ASTN2: variants seen among roughly 807,000 people sequenced by gnomAD.
ASTN2 encodes astrotactin 2, also known as astrotactin-2.
ASTN2 carries 54 observed loss-of-function variants against 139.8 expected under a neutral mutation model. The observed-to-expected ratio is 0.39, with a 90% CI of 0.31 to 0.48. The LOEUF (loss-of-function observed/expected upper bound fraction) is 0.48. ASTN2 is among the 20% of genes least tolerant of loss of function. The pLI is 0.95. For synonymous variants in ASTN2, 756 were observed against 719.5 expected (o/e 1.05, Z -0.81); for missense variants, 1,565 against 1,725.1 (o/e 0.91, Z 1.64).
intron 10 of ASTN2, among the ~76,000 whole-genome samples, chr9:116,875,146 A>G (rs903844473): frequency 2.0e-5 from 3 of 152,320 alleles, no homozygotes; most frequent in Admixed American, 2.0e-4. Context: ...GTATGTGGAA[A>G]GCCAAGACTG....
intron 3 of ASTN2, among the ~76,000 whole-genome samples, chr9:117,179,399 T>C (rs1218003557): frequency 6.6e-6 from 1 of 152,170 alleles, no homozygotes; most frequent in Non-Finnish European, 1.5e-5. Flanking sequence ...CATCTTGAGA[T>C]AAGTAACCCA....
intron 6 of ASTN2, among the ~76,000 whole-genome samples, chr9:117,030,831 A>G (rs1158052972): frequency 6.6e-6 from 1 of 152,130 alleles, no homozygotes; most frequent in East Asian, 1.9e-4. Context: ...TTGGCCATTA[A>G]GTACAAGAAA....
intron 10 of ASTN2, among the ~76,000 whole-genome samples, chr9:116,947,639 G>A (rs1835434277): frequency 6.6e-6 from 1 of 152,176 alleles, no homozygotes; most frequent in South Asian, 2.1e-4. Flanking sequence ...TTTGGATTCA[G>A]GCAGTATTTT....
At chr9:116,916,619 G>T (rs764891367) in intron 10 of ASTN2, among the ~76,000 whole-genome samples, 2 of 152,206 alleles carry the variant, frequency 1.3e-5, no homozygotes, top group South Asian at 2.1e-4. Context: ...GGCCAAGGTG[G>T]GCAGATTGCT....
chr9:117,040,542 T>G (rs1838532552), intron 5 of ASTN2, among the ~76,000 whole-genome samples: 1 of 152,194 alleles, frequency 6.6e-6, no homozygotes, highest in Admixed American at 6.5e-5. Flanking sequence ...CACTGTAACC[T>G]CCGCCACACG....
chr9:117,193,409 G>A (rs937067665), intron 3 of ASTN2, among the ~76,000 whole-genome samples: 5 of 152,064 alleles, frequency 3.3e-5, no homozygotes, highest in Middle Eastern at 3.2e-3. Context: ...GGAGGCTGAG[G>A]TGGTTGGATC....
chr9:117,323,178 T>C (rs1285038141), intron 1 of ASTN2, among the ~76,000 whole-genome samples: 1 of 152,108 alleles, frequency 6.6e-6, no homozygotes, highest in East Asian at 1.9e-4. Context: ...CACACACATA[T>C]ACATATACAC....
Position 116,967,040 on chromosome 9 carries a change from C to G in ASTN2, c.1889+8168G>C, listed in dbSNP as rs62562605. 1.1e-4 allele frequency among the ~76,000 whole-genome samples: 16 copies of G among 152,268 alleles called. 1 individual carries two copies. The highest frequency in any genetic ancestry group is 3.9e-4 in the African/African-American group (16 of 41,542). On this transcript the variant is annotated intron_variant, in intron 10 of 22. Transcript: ENST00000313400. ...GCATGAATGACTTAACATCTTTGTG[C>G]CTCAGTTTCCTCATCTGTAAATAAC... is the stretch of plus-strand genomic sequence containing the variant.
intron 2 of ASTN2, among the ~76,000 whole-genome samples, chr9:117,219,009 T>C (rs1243167515): frequency 1.3e-5 from 2 of 152,178 alleles, no homozygotes; most frequent in African/African-American, 4.8e-5. Context: ...GTACCCCCTA[T>C]AGGCTGCTGT....
intron 13 of ASTN2, among the ~76,000 whole-genome samples, chr9:116,800,213 C>G (rs1272442111): frequency 1.3e-5 from 2 of 152,180 alleles, no homozygotes; most frequent in Non-Finnish European, 2.9e-5. Context: ...CTCCTTAACT[C>G]TGTTCACTGC....
intron 10 of ASTN2, among the ~76,000 whole-genome samples, chr9:116,948,785 GTTTTTTTT>G (rs58832163): frequency 2.0e-5 from 1 of 49,472 alleles, no homozygotes; most frequent in African/African-American, 8.6e-5. Context: ...ATAATTTGGT[GTTTTTTTT>G]TTTTTTTTTT....
intron 19 of ASTN2, among the ~76,000 whole-genome samples, chr9:116,523,218 A>G (rs1295469508): frequency 6.6e-6 from 1 of 151,068 alleles, no homozygotes; most frequent in Non-Finnish European, 1.5e-5. Context: ...TTTTTTTTTA[A>G]CGACAGTTAT....
chr9:116,699,948 A>C lies in ASTN2; in HGVS notation c.2806+25823T>G. 4 of 603,172 alleles carry C rather than the reference A, an allele frequency of 6.6e-6. No homozygotes were observed. The highest frequency in any genetic ancestry group is 1.2e-5 in the Non-Finnish European group (4 of 338,574). 37.4% of individuals were successfully genotyped at this position (603,172 alleles called of 1,614,324 possible). On this transcript the variant is annotated intron_variant, in intron 16 of 22. Coordinates refer to ENST00000313400, the MANE Select transcript of ASTN2 (RefSeq NM_001365068.1). This position sits in a 1 kb window ranked among gnomAD's most constrained non-coding sequence, Gnocchi z 4.2. ...ATAGGACACACGATGGTGTTAGCTGAAGTTTGATTAGCAATTAGGCACTTC... is the reference window on the plus strand; with the variant it reads ...ATAGGACACACGATGGTGTTAGCTGCAGTTTGATTAGCAATTAGGCACTTC...
intron 4 of ASTN2, among the ~76,000 whole-genome samples, chr9:117,102,349 G>A (rs772939695): frequency 1.3e-5 from 2 of 152,284 alleles, no homozygotes; most frequent in South Asian, 2.1e-4. Context: ...AGAGATGGAA[G>A]TAGACTAGTG....
chr9:117,206,021 A>T (rs143521382), intron 3 of ASTN2, among the ~76,000 whole-genome samples: 304 of 152,380 alleles, frequency 2.0e-3, no homozygotes, highest in Admixed American at 5.7e-3. Flanking sequence ...AAGAGGTATT[A>T]GTCATCAAAA....
At chr9:116,704,267 G>C (rs1161890723) in intron 16 of ASTN2, among the ~76,000 whole-genome samples, 1 of 152,142 alleles carries the variant, frequency 6.6e-6, no homozygotes, top group African/African-American at 2.4e-5. Flanking sequence ...TGGAATTGTT[G>C]AGTTCCCCCC....
intron 10 of ASTN2, among the ~76,000 whole-genome samples, chr9:116,943,585 G>T (rs1369677738): frequency 6.6e-6 from 1 of 152,096 alleles, no homozygotes; most frequent in Non-Finnish European, 1.5e-5. Context: ...TTAAAATAAG[G>T]CAGATTCATG....
At chr9:116,429,700 A>C (rs1847435359) in intron 22 of ASTN2, among the ~76,000 whole-genome samples, 1 of 152,142 alleles carries the variant, frequency 6.6e-6, no homozygotes, top group African/African-American at 2.4e-5. Context: ...GACAGATATG[A>C]ACTAGTTTAA....
intron 4 of ASTN2, among the ~76,000 whole-genome samples, chr9:117,135,703 G>A (rs1829934255): frequency 6.6e-6 from 1 of 152,178 alleles, no homozygotes; most frequent in Non-Finnish European, 1.5e-5. Flanking sequence ...GAAAAGAGTG[G>A]CTTGCTGGGC....
Sources: allele counts gnomAD v4.1 joint callset (sites outside exome capture counted in the v4.1 genomes callset), GRCh38; gene constraint gnomAD v4.1.1; non-coding constraint Gnocchi (gnomAD v3.1); transcripts MANE v1.5; gene names NCBI Gene and HGNC (gene_info 2026-07-23, HGNC 2026-07-21).